The following FRY variants were observed in gnomAD, a reference collection of about 807,000 sequenced individuals.
FRY encodes protein furry homolog.
In FRY, 128 loss-of-function variants were observed where a neutral mutation model predicts 348.4. The observed-to-expected ratio is 0.37, with a 90% CI of 0.32 to 0.43. The LOEUF (loss-of-function observed/expected upper bound fraction) is 0.43. Ranked by LOEUF, FRY falls within the 20% of genes least tolerant of loss-of-function variation. The pLI, the probability that FRY is intolerant of heterozygous loss-of-function variation, is 1.00. For missense variants in FRY, 2,736 were observed against 3,695.2 expected (o/e 0.74, Z 6.73); for synonymous variants, 1,370 against 1,374.7 (o/e 1.00, Z 0.08).
At chr13:32,207,942 T>C (rs1286041921) in intron 31 of FRY, among the ~76,000 whole-genome samples, 1 of 152,228 alleles carries the variant, frequency 6.6e-6, no homozygotes, top group African/African-American at 2.4e-5. Context: ...TCTCTAGATA[T>C]GAGAGATAGG....
chr13:32,041,285 T>C (rs1361091092), intron 1 of FRY, among the ~76,000 whole-genome samples: 3 of 38,902 alleles, frequency 7.7e-5, no homozygotes, highest in Non-Finnish European at 1.6e-4. Context: ...ATCTTCTGCT[T>C]TTTTTTTTTT....
In FRY at chr13:32,210,945, C is replaced by G. The variant is rs1022559147; in HGVS notation, c.4502C>G (p.Thr1501Arg). ...GAGCTTCTCTTTGAGCTGCAGCAGA[C>G]AGAGCCCGTGAACCCCATCGTCCAG... ...MEELLFELQQ[T>R]EPVNPIVQHC... The change falls in exon 34 of 61, where the codon ACA (threonine) becomes AGA (arginine). Residue 1501 changes from threonine to arginine, a missense_variant. Transcript: ENST00000542859. The G allele has an allele frequency of 1.2e-6, 2 of 1,613,834 alleles. No individual in the cohort carries two copies. The highest frequency in any genetic ancestry group is 1.6e-4 in the Middle Eastern group (1 of 6,078).
Position 32,249,645 on chromosome 13 carries a change from C to T in FRY, c.7128C>T (p.Asn2376=), listed in dbSNP as rs764253255. 2.8e-5 allele frequency: 45 copies of T among 1,614,082 alleles called. No homozygotes were observed. Among genetic ancestry groups the T allele is most frequent in the African/African-American group, 6.7e-5 (5 of 74,938 alleles). The change falls in exon 49 of 61, where the codon AAC becomes AAT. Residue 2376 remains asparagine (N), a synonymous_variant. Coordinates refer to ENST00000542859, the MANE Select transcript of FRY (RefSeq NM_023037.3). ...TSSTSSGSNS[N]VLVPVSWKRP... ...CCACTTCCTCAGGCTCCAACTCCAA[C>T]GTCCTTGTTCCAGTGAGCTGGAAAA...
At chr13:32,167,041 A>G (rs746405156) in intron 17 of FRY, among the ~76,000 whole-genome samples, 2 of 152,202 alleles carry the variant, frequency 1.3e-5, no homozygotes, top group Non-Finnish European at 1.5e-5. Flanking sequence ...TTTGAAGTTA[A>G]AACAGATTCT....
chr13:32,175,641 A>G lies in FRY; in HGVS notation c.2421+9A>G. ...TAGCAGTTTCGGATTCAGTAAGTACACATTTGATTCCAATTAATGGCTCTT... is the reference window on the plus strand; with the variant it reads ...TAGCAGTTTCGGATTCAGTAAGTACGCATTTGATTCCAATTAATGGCTCTT... On this transcript the variant is annotated intron_variant, in intron 20 of 60. Transcript: ENST00000542859. 3 of 1,462,786 alleles carry G rather than the reference A, an allele frequency of 2.1e-6. No homozygotes were observed. The highest frequency in any genetic ancestry group is 2.3e-5 in the South Asian group (2 of 88,074). 90.6% of individuals were successfully genotyped at this position (1,462,786 alleles called of 1,614,324 possible). A position where few individuals can be genotyped will look rare whatever the true frequency, so the allele number is the denominator to read the frequency against.
At chr13:32,246,369 A>G (rs1246582191) in intron 47 of FRY, among the ~76,000 whole-genome samples, 5 of 152,252 alleles carry the variant, frequency 3.3e-5, no homozygotes, top group African/African-American at 4.8e-5. Flanking sequence ...GGAGGTTGTC[A>G]GAGAAACGAA....
At chr13:32,097,851 GAAC>G (rs1382183920) in intron 2 of FRY, among the ~76,000 whole-genome samples, 2 of 151,970 alleles carry the variant, frequency 1.3e-5, no homozygotes, top group Non-Finnish European at 2.9e-5. Context: ...GATAATGTTT[GAAC>G]AACATTTGAA....
chr13:32,124,545 G>C, intron 5 of FRY, 57 bp from the exon 6 acceptor site: 1 of 1,019,768 alleles, frequency 9.8e-7, no homozygotes, highest in Non-Finnish European at 1.6e-6. Context: ...TGGAAGTACT[G>C]TACCGATTTG....
chr13:32,165,052 A>G (rs1881658690), intron 17 of FRY, among the ~76,000 whole-genome samples: 1 of 149,814 alleles, frequency 6.7e-6, no homozygotes, highest in Non-Finnish European at 1.5e-5. Context: ...TTTCATATAC[A>G]TTATGTTAGG....
At chr13:32,052,901 G>A (rs1042035875) in intron 1 of FRY, among the ~76,000 whole-genome samples, 2 of 152,190 alleles carry the variant, frequency 1.3e-5, no homozygotes, top group Admixed American at 1.3e-4. Context: ...ATCACCTGAG[G>A]TCAGGAGTTC....
At chr13:32,103,548 C>G (rs1310534837) in intron 3 of FRY, among the ~76,000 whole-genome samples, 1 of 152,006 alleles carries the variant, frequency 6.6e-6, no homozygotes, top group Admixed American at 6.5e-5. Context: ...GGAGATATAC[C>G]TAATGTTAAA....
At position 32,297,265 on chromosome 13, in the gene FRY, T is replaced by G. The variant is rs2072077358; in HGVS notation, c.*1805T>G. The G allele has an allele frequency of 6.6e-6, 1 of 152,320 alleles. No individual in the cohort carries two copies. The highest frequency in any genetic ancestry group is 3.4e-3 in the Middle Eastern group (1 of 294). The allele number at this position is 152,320 out of a possible 1,614,324, so 9.4% of individuals were successfully genotyped here. ...GCTGAAAACATATTTTTCTGATGATTTATTTTTTTCAACTTGCCTGAAAGA... is the reference window on the plus strand; with the variant it reads ...GCTGAAAACATATTTTTCTGATGATGTATTTTTTTCAACTTGCCTGAAAGA... On this transcript the variant is annotated 3_prime_UTR_variant, in exon 61 of 61. Coordinates refer to ENST00000542859, the MANE Select transcript of FRY (RefSeq NM_023037.3).
chr13:32,070,600 G>T lies in FRY; in HGVS notation c.71-8234G>T, dbSNP rs185519894. On this transcript the variant is annotated intron_variant, in intron 1 of 60. Transcript: ENST00000542859. ...TGTAAGTTTGTTTAAGTTCTTTGTA[G>T]ATTCTGGATATTAGCCCTTTGTCAG... Among the ~76,000 whole-genome samples the T allele has an allele frequency of 2.6e-3, 392 of 150,800 alleles. 9 individuals are homozygous for T. The highest frequency in any genetic ancestry group is 0.024 in the Admixed American group (357 of 15,112).
chr13:32,197,206 C>T (rs575685216), intron 29 of FRY, among the ~76,000 whole-genome samples: 1 of 152,024 alleles, frequency 6.6e-6, no homozygotes, highest in South Asian at 2.1e-4. Flanking sequence ...GATTTATTTT[C>T]GGTGGTGGTT....
chr13:32,051,074 C>A (rs1873297257), intron 1 of FRY, among the ~76,000 whole-genome samples: 1 of 152,134 alleles, frequency 6.6e-6, no homozygotes, highest in African/African-American at 2.4e-5. Context: ...ATAACTTAAT[C>A]TGAGTGGTTA....
intron 50 of FRY, 157 bp from the exon 51 acceptor site, chr13:32,254,067 G>A (rs1031562264): frequency 8.6e-5 from 64 of 742,540 alleles, no homozygotes; most frequent in Non-Finnish European, 1.4e-4. Context: ...GAAGGCACCT[G>A]TCCAACATAA....
At chr13:32,057,105 G>A (rs960450951) in intron 1 of FRY, among the ~76,000 whole-genome samples, 4 of 152,062 alleles carry the variant, frequency 2.6e-5, no homozygotes, top group Admixed American at 1.3e-4. Context: ...AAAATAGAGC[G>A]GGGAGACTAT....
rs777763635 is a variant in FRY, at chr13:32,136,945, C to T, written c.1152C>T (p.Phe384=). 6.3e-7 allele frequency: 1 copy of T among 1,599,708 alleles called. No individual in the cohort carries two copies. ...KQLFLNRWHI[F]LNNCLSNLKN... ...TGTTCCTGAACAGGTGGCACATTTT[C>T]CTCAACAACTGCTTGTCCAACCTTA... is the stretch of plus-strand genomic sequence containing the variant. Residue 384 remains phenylalanine (F), a synonymous_variant, in exon 11 of 61, where the codon TTC becomes TTT. Transcript: ENST00000542859.
chr13:32,150,097 T>C (rs1363414178), intron 14 of FRY, among the ~76,000 whole-genome samples: 1 of 152,234 alleles, frequency 6.6e-6, no homozygotes, highest in African/African-American at 2.4e-5. Flanking sequence ...CCCAAAAAGA[T>C]AATTCATCAC....
Sources: gnomAD v4.1 joint callset for allele counts (sites outside exome capture counted in the v4.1 genomes callset) on GRCh38, gnomAD v4.1.1 for gene constraint, MANE v1.5 for transcripts, NCBI Gene and HGNC (gene_info 2026-07-23, HGNC 2026-07-21) for gene names.